ADGRV1: variants seen among roughly 807,000 people sequenced by gnomAD.
The protein encoded by ADGRV1 is adhesion G protein-coupled receptor V1.
ADGRV1 carries 359 observed loss-of-function variants against 596.2 expected under a neutral mutation model. The ratio of observed to expected loss-of-function variants is 0.60; its 90% CI spans 0.55 to 0.66. The LOEUF is 0.66. Among genes scored for constraint, ADGRV1 ranks in the 30% least tolerant of loss-of-function variants. The pLI, the probability that ADGRV1 is intolerant of heterozygous loss-of-function variation, is 0.00. For missense variants in ADGRV1, 7,274 were observed against 7,575.6 expected (o/e 0.96, Z 1.48); for synonymous variants, 2,681 against 2,679.2 (o/e 1.00, Z -0.02).
At chr5:90,697,822 G>A (rs1295416717) in intron 34 of ADGRV1, among the ~76,000 whole-genome samples, 4 of 151,988 alleles carry the variant, frequency 2.6e-5, no homozygotes, top group African/African-American at 7.3e-5. Context: ...ATAGGTATTG[G>A]TAGCCTGTGT....
At chr5:90,880,118 A>G (rs982721669) in intron 83 of ADGRV1, among the ~76,000 whole-genome samples, 2 of 151,954 alleles carry the variant, frequency 1.3e-5, no homozygotes, top group African/African-American at 4.8e-5. Context: ...ACTTTATTTT[A>G]TTCTCACAAT....
intron 32 of ADGRV1, among the ~76,000 whole-genome samples, chr5:90,693,422 G>A (rs1481773379): frequency 6.6e-6 from 1 of 151,818 alleles, no homozygotes; most frequent in African/African-American, 2.4e-5. Flanking sequence ...TTGCTATACT[G>A]GACTGGTTTT....
chr5:90,584,145 G>T (rs958584496), intron 1 of ADGRV1, among the ~76,000 whole-genome samples: 1 of 152,152 alleles, frequency 6.6e-6, no homozygotes, highest in African/African-American at 2.4e-5. Context: ...TTATTGGGAG[G>T]ATTAACTGAG....
At position 90,627,422 on chromosome 5, in the gene ADGRV1, G is replaced by A; in HGVS notation, c.884G>A (p.Gly295Glu). 6.2e-7 allele frequency: 1 copy of A among 1,613,790 alleles called. No individual in the cohort carries two copies. Among genetic ancestry groups the A allele is most frequent in the Middle Eastern group, 1.7e-4 (1 of 6,060 alleles). The part of the protein sequence containing the change: ...RGKDNNGNLI[G>E]SDEYEVSISY... Reference sequence around the variant, plus strand: ...AAGGACAACAATGGAAATCTGATTGGATCTGATGAATATGAGGTTTCAATC... The same window carrying A: ...AAGGACAACAATGGAAATCTGATTGAATCTGATGAATATGAGGTTTCAATC... Residue 295 changes from glycine to glutamate, a missense_variant, in exon 7 of 90, where the codon GGA becomes GAA. Gly to Glu is a moderately conservative substitution (Grantham distance 98, BLOSUM62 -2). This residue lies in a region of ADGRV1 where 1,715 missense variants were observed against 1,708.8 expected (regional missense o/e 1.00). Coordinates refer to ENST00000405460, the MANE Select transcript of ADGRV1 (RefSeq NM_032119.4).
intron 1 of ADGRV1, among the ~76,000 whole-genome samples, chr5:90,576,466 C>G (rs1002271912): frequency 1.3e-5 from 2 of 152,106 alleles, no homozygotes; most frequent in East Asian, 1.9e-4. Flanking sequence ...TGGCTGCATA[C>G]TATTCCATGG....
At chr5:90,945,957 G>C (rs1223816569) in intron 83 of ADGRV1, among the ~76,000 whole-genome samples, 1 of 150,842 alleles carries the variant, frequency 6.6e-6, no homozygotes, top group Non-Finnish European at 1.5e-5. Flanking sequence ...TATCTAGCCT[G>C]GGTGACAGAG....
At chr5:90,778,295 C>G (rs541088025) in intron 62 of ADGRV1, 132 bp from the exon 63 acceptor site, 2 of 817,518 alleles carry the variant, frequency 2.4e-6, no homozygotes, top group East Asian at 2.7e-5. Context: ...GTGGAGGTGC[C>G]TGTGTATGGG....
chr5:91,037,358 A>T (rs957100262), intron 85 of ADGRV1, among the ~76,000 whole-genome samples: 7 of 152,188 alleles, frequency 4.6e-5, no homozygotes, highest in Non-Finnish European at 1.0e-4. Flanking sequence ...CTTAAAAAAA[A>T]ATAGTCCAGA....
chr5:90,823,881 A>G (rs1424603543), intron 76 of ADGRV1, among the ~76,000 whole-genome samples: 2 of 152,184 alleles, frequency 1.3e-5, no homozygotes, highest in African/African-American at 4.8e-5. Flanking sequence ...TCTTGGTACA[A>G]TTCTTTCCTT....
intron 83 of ADGRV1, among the ~76,000 whole-genome samples, chr5:90,946,814 A>G (rs1776617602): frequency 6.6e-6 from 1 of 152,140 alleles, no homozygotes; most frequent in Non-Finnish European, 1.5e-5. Flanking sequence ...TTATGGCTGC[A>G]TAGTATTTCA....
chr5:90,989,470 G>A (rs1038767282), intron 85 of ADGRV1, among the ~76,000 whole-genome samples: 2 of 152,064 alleles, frequency 1.3e-5, no homozygotes, highest in Admixed American at 1.3e-4. Flanking sequence ...CTAAATGTTT[G>A]TTTTCCTAAT....
At chr5:90,970,165 C>T (rs886742455) in intron 84 of ADGRV1, among the ~76,000 whole-genome samples, 37 of 152,166 alleles carry the variant, frequency 2.4e-4, no homozygotes, top group Non-Finnish European at 4.7e-4. Context: ...AAGGCAGCAG[C>T]GAGGCTGGGG....
At chr5:90,784,582 G>A (rs906285847) in intron 67 of ADGRV1, among the ~76,000 whole-genome samples, 4 of 152,116 alleles carry the variant, frequency 2.6e-5, no homozygotes, top group Non-Finnish European at 5.9e-5. Flanking sequence ...GAGCATTTGG[G>A]CAGAAGGAAC....
At chr5:91,017,362 T>C (rs1054825578) in intron 85 of ADGRV1, among the ~76,000 whole-genome samples, 4 of 151,888 alleles carry the variant, frequency 2.6e-5, no homozygotes, top group Non-Finnish European at 5.9e-5. Flanking sequence ...AAAAAAATGA[T>C]AAATTTTCCA....
At position 90,650,217 on chromosome 5, in the gene ADGRV1, T is replaced by C. The variant is rs546187485; in HGVS notation, c.3290-1387T>C. Among the ~76,000 whole-genome samples the C allele has an allele frequency of 1.7e-4, 26 of 152,352 alleles. No individual in the cohort carries two copies. In the South Asian group the frequency reaches 5.2e-3, roughly 30 times the overall value. ...ATCATTTAGAGCATATGCTCTGATA[T>C]TGGATCAAAGGATATGGCCATCCTT... On this transcript the variant is annotated intron_variant, in intron 17 of 89. Transcript: ENST00000405460.
intron 89 of ADGRV1, among the ~76,000 whole-genome samples, chr5:91,153,990 G>A (rs13160072): frequency 0.087 from 13,216 of 152,190 alleles, 677 homozygotes; most frequent in South Asian, 0.18. Flanking sequence ...CCATGAAACC[G>A]CCTGATTAAG....
At chr5:90,831,041 C>T (rs1764475018) in intron 77 of ADGRV1, among the ~76,000 whole-genome samples, 1 of 152,062 alleles carries the variant, frequency 6.6e-6, no homozygotes, top group Non-Finnish European at 1.5e-5. Flanking sequence ...CTTAAGCCTG[C>T]TGGCTTTTGC....
At chr5:90,712,459 T>C in intron 42 of ADGRV1, 31 bp downstream of exon 42, 1 of 1,515,016 alleles carries the variant, frequency 6.6e-7, no homozygotes, top group Non-Finnish European at 9.0e-7. Context: ...AACAGCTTCC[T>C]CTCCTTCATG....
At chr5:91,022,781 G>A (rs751607238) in intron 85 of ADGRV1, among the ~76,000 whole-genome samples, 7 of 152,040 alleles carry the variant, frequency 4.6e-5, no homozygotes, top group Non-Finnish European at 1.0e-4. Context: ...GATTACTTGT[G>A]GGGAAACAAT....
Sources: gnomAD v4.1 joint callset for allele counts (sites outside exome capture counted in the v4.1 genomes callset) on GRCh38, gnomAD v4.1.1 for gene constraint, gnomAD v4.1.1 regional missense constraint, MANE v1.5 for transcripts, NCBI Gene and HGNC (gene_info 2026-07-23, HGNC 2026-07-21) for gene names.